The following ALK variants were observed in gnomAD, a reference collection of about 807,000 sequenced individuals.
ALK encodes the protein ALK tyrosine kinase receptor.
Under a neutral mutation model 163.1 loss-of-function variants are expected in ALK, and 74 were observed. That is an observed-to-expected ratio of 0.45 (90% CI 0.38 to 0.55). The LOEUF is 0.55. ALK is among the 20% of genes least tolerant of loss of function. ALK has a pLI of 0.00. For missense variants in ALK, 2,063 were observed against 2,105.3 expected (o/e 0.98, Z 0.39); for synonymous variants, 960 against 843.2 (o/e 1.14, Z -2.40).
chr2:29,480,671 C>T lies in ALK; in HGVS notation c.1154+51244G>A, dbSNP rs74988024. On this transcript the variant is annotated intron_variant, in intron 4 of 28. Coordinates refer to ENST00000389048, the MANE Select transcript of ALK (RefSeq NM_004304.5). Reference sequence around the variant, plus strand: ...CAGTCAAGAGCAGAGGCCAGTCAGACGCAGGGAGGAAAGCAGAAGTGGGGC... The same window carrying T: ...CAGTCAAGAGCAGAGGCCAGTCAGATGCAGGGAGGAAAGCAGAAGTGGGGC... 8.8e-3 allele frequency among the ~76,000 whole-genome samples: 1,338 copies of T among 151,640 alleles called. 17 individuals are homozygous for T. Among genetic ancestry groups the T allele is most frequent in the African/African-American group, 0.03 (1,223 of 41,300 alleles).
At chr2:29,269,497 G>A (rs1665321683) in intron 11 of ALK, among the ~76,000 whole-genome samples, 1 of 151,352 alleles carries the variant, frequency 6.6e-6, no homozygotes, top group African/African-American at 2.4e-5. Context: ...GAGCACAGCT[G>A]TGCTTGCTCC....
chr2:29,514,797 G>A (rs1057458202), intron 4 of ALK, among the ~76,000 whole-genome samples: 8 of 152,060 alleles, frequency 5.3e-5, no homozygotes, highest in Admixed American at 5.2e-4. Flanking sequence ...GTACATATCT[G>A]CAAGTCATTC....
chr2:29,571,621 T>TTTTTTTTTTTTTTTTTTTTTTTG (rs1674374471), intron 3 of ALK, among the ~76,000 whole-genome samples: 1 of 95,946 alleles, frequency 1.0e-5, no homozygotes, highest in Non-Finnish European at 2.3e-5. Flanking sequence ...TTTTTTTTTT[T>TTTTTTTTTTTTTTTTTTTTTTTG]TTTTTTTTTT....
chr2:29,393,998 T>A lies in ALK; in HGVS notation c.1155-10139A>T, dbSNP rs192276020. Among the ~76,000 whole-genome samples the A allele has an allele frequency of 2.6e-5, 4 of 152,292 alleles. No individual in the cohort carries two copies. The East Asian group carries it at 7.7e-4, about 29-fold the overall frequency. The stretch of plus-strand genomic sequence containing the variant: ...AAGTATTTAAAAATTATTTCCATTT[T>A]AAGGAAATGGATACTGAACATCATG... On this transcript the variant is annotated intron_variant, in intron 4 of 28. Coordinates refer to ENST00000389048, the MANE Select transcript of ALK (RefSeq NM_004304.5).
intron 9 of ALK, among the ~76,000 whole-genome samples, chr2:29,276,973 T>C (rs1429159764): frequency 6.6e-6 from 1 of 152,100 alleles, no homozygotes; most frequent in Non-Finnish European, 1.5e-5. Flanking sequence ...GTGGGTGCAT[T>C]TTATGATATA....
chr2:29,325,676 T>C (rs1266295449), intron 6 of ALK, among the ~76,000 whole-genome samples: 1 of 152,230 alleles, frequency 6.6e-6, no homozygotes, highest in Non-Finnish European at 1.5e-5. Flanking sequence ...AGACTGAGCC[T>C]GAATCACTGC....
chr2:29,309,496 C>T (rs1397175767), intron 8 of ALK, among the ~76,000 whole-genome samples: 2 of 152,210 alleles, frequency 1.3e-5, no homozygotes, highest in African/African-American at 2.4e-5. Flanking sequence ...TGTCTGACTG[C>T]AGTTACAATT....
chr2:29,875,253 T>C (rs911649860), intron 1 of ALK, among the ~76,000 whole-genome samples: 2 of 151,928 alleles, frequency 1.3e-5, no homozygotes, highest in Admixed American at 1.3e-4. Context: ...GTTACTAGGG[T>C]GGGGGAATGG....
At chr2:29,912,680 G>T (rs1667738230) in intron 1 of ALK, among the ~76,000 whole-genome samples, 1 of 151,760 alleles carries the variant, frequency 6.6e-6, no homozygotes, top group East Asian at 1.9e-4. Context: ...ACGCATGACT[G>T]GCATATATAT....
rs139068406 is a variant in ALK, at chr2:29,588,173, C to G, written c.953-56057G>C. On this transcript the variant is annotated intron_variant, in intron 3 of 28. Coordinates refer to ENST00000389048, the MANE Select transcript of ALK (RefSeq NM_004304.5). ...ACTCTCAAGAACGTCTCCACTGAGA[C>G]CATAAATTATACATTATCCTAGCTA... Among the ~76,000 whole-genome samples, 268 of 152,036 alleles carry G rather than the reference C, an allele frequency of 1.8e-3. 3 individuals are homozygous for G. The highest frequency in any genetic ancestry group is 6.2e-3 in the African/African-American group (256 of 41,488).
chr2:29,395,051 G>A (rs371292916), intron 4 of ALK, among the ~76,000 whole-genome samples: 4 of 152,112 alleles, frequency 2.6e-5, no homozygotes, highest in South Asian at 2.1e-4. Flanking sequence ...CAGAGCTCCC[G>A]GGATTTCCCA....
chr2:29,539,741 A>G (rs1673361606), intron 3 of ALK, among the ~76,000 whole-genome samples: 1 of 152,180 alleles, frequency 6.6e-6, no homozygotes, highest in African/African-American at 2.4e-5. Flanking sequence ...TGAACTAATA[A>G]AGGACTAAAA....
chr2:29,917,788 G>C (rs912035358), intron 1 of ALK, among the ~76,000 whole-genome samples: 1 of 152,214 alleles, frequency 6.6e-6, no homozygotes, highest in Non-Finnish European at 1.5e-5. Context: ...GTTACACTTA[G>C]TGTCTTATTT....
At chr2:29,396,684 A>G (rs55853859) in intron 4 of ALK, among the ~76,000 whole-genome samples, 7,440 of 151,820 alleles carry the variant, frequency 0.049, 593 homozygotes, top group African/African-American at 0.17. Context: ...CAAAAACAAA[A>G]ACAAAAACAA....
intron 3 of ALK, among the ~76,000 whole-genome samples, chr2:29,579,733 G>C (rs1471164368): frequency 1.3e-5 from 2 of 152,092 alleles, no homozygotes; most frequent in African/African-American, 4.8e-5. Flanking sequence ...TCAGATGCCG[G>C]ATATGTAGAG....
rs745572529 is a variant in ALK at position 29,244,660 on chromosome 2, T to C, written c.2205-4830A>G. ...GTGGAGAGGAGGGAAGACAACTTTCTAAGTCACATGGAGCATCGGTGGTGG... is the reference window on the plus strand; with the variant it reads ...GTGGAGAGGAGGGAAGACAACTTTCCAAGTCACATGGAGCATCGGTGGTGG... On this transcript the variant is annotated intron_variant, in intron 12 of 28. Coordinates refer to ENST00000389048, the MANE Select transcript of ALK (RefSeq NM_004304.5). 1.2e-4 allele frequency among the ~76,000 whole-genome samples: 19 copies of C among 152,360 alleles called. No homozygotes were observed. In the Middle Eastern group the frequency reaches 0.014, roughly 109 times the overall value.
chr2:29,294,471 C>G (rs1666124860), intron 9 of ALK, among the ~76,000 whole-genome samples: 1 of 152,188 alleles, frequency 6.6e-6, no homozygotes, highest in Non-Finnish European at 1.5e-5. Context: ...AGTAGTTGAG[C>G]ATTTAGTGTG....
At chr2:29,735,107 C>CTTATCTTTGGACCATGA (rs1679855249) in intron 1 of ALK, among the ~76,000 whole-genome samples, 1 of 151,958 alleles carries the variant, frequency 6.6e-6, no homozygotes, top group African/African-American at 2.4e-5. Flanking sequence ...TTTCAAATGC[C>CTTATCTTTGGACCATGA]CCAGAGATTC....
chr2:29,791,915 A>G (rs1664200140), intron 1 of ALK, among the ~76,000 whole-genome samples: 1 of 152,200 alleles, frequency 6.6e-6, no homozygotes, highest in Non-Finnish European at 1.5e-5. Flanking sequence ...CAGATGCACT[A>G]AGTTATCTGA....
Sources: allele counts gnomAD v4.1 joint callset (sites outside exome capture counted in the v4.1 genomes callset), GRCh38; gene constraint gnomAD v4.1.1; transcripts MANE v1.5; gene names NCBI Gene and HGNC (gene_info 2026-07-23, HGNC 2026-07-21).